The following SEMA3A variants were observed in gnomAD, a reference collection of about 807,000 sequenced individuals.
SEMA3A encodes semaphorin-3A.
Under a neutral mutation model 97.9 loss-of-function variants are expected in SEMA3A, and 29 were observed. The observed-to-expected ratio is 0.30, with a 90% CI of 0.22 to 0.40. The LOEUF is 0.40. Ranked by LOEUF, SEMA3A falls within the 10% of genes least tolerant of loss-of-function variation. The pLI, the probability that SEMA3A is intolerant of heterozygous loss-of-function variation, is 1.00. For synonymous variants in SEMA3A, 321 were observed against 323.7 expected, an observed-to-expected ratio of 0.99 and a Z score of 0.09; for missense variants, 763 against 951.3, an observed-to-expected ratio of 0.80 and a Z score of 2.60.
rs1788342444 is a variant in SEMA3A, at chr7:83,958,293, T to C, written c.*3078A>G. 1 of 152,508 alleles carries C rather than the reference T, an allele frequency of 6.6e-6. No individual in the cohort carries two copies. The highest frequency in any genetic ancestry group is 1.5e-5 in the Non-Finnish European group (1 of 67,974). 9.4% of individuals were successfully genotyped at this position (152,508 alleles called of 1,614,324 possible). The stretch of plus-strand genomic sequence containing the variant: ...GTTCTCAACATTTTATGAGCTTATG[T>C]TCCTTAACACCATATGTTATAGGGA... On this transcript the variant is annotated 3_prime_UTR_variant, in exon 17 of 17. Coordinates refer to ENST00000265362, the MANE Select transcript of SEMA3A (RefSeq NM_006080.3).
At chr7:84,276,513 G>A (rs1469447847) in intron 3 of SEMA3A, among the ~76,000 whole-genome samples, 1 of 152,050 alleles carries the variant, frequency 6.6e-6, no homozygotes, top group Non-Finnish European at 1.5e-5. Flanking sequence ...CCAGCACATA[G>A]TAGGTACTTA....
At position 84,090,713 on chromosome 7, in the gene SEMA3A, TATTG is replaced by T. The variant is rs377582348; in HGVS notation, c.453+19753_453+19756del. On this transcript the variant is annotated intron_variant, in intron 4 of 16. Transcript: ENST00000265362. ...GTTGACACTGGTATCTATATTTATT[TATTG>T]AAATTAATAAATATTATCAAATATG... Among the ~76,000 whole-genome samples the T allele has an allele frequency of 1.2e-4, 19 of 152,304 alleles. 1 individual carries two copies. The East Asian group carries it at 3.3e-3, about 26-fold the overall frequency.
intron 2 of SEMA3A, among the ~76,000 whole-genome samples, chr7:84,338,365 G>A (rs2115976792): frequency 6.6e-6 from 1 of 152,092 alleles, no homozygotes; most frequent in East Asian, 1.9e-4. Flanking sequence ...TGAGGAGGAA[G>A]TTAAACCATA....
At position 83,978,500 on chromosome 7, in the gene SEMA3A, A is replaced by T. The variant is rs1252512354; in HGVS notation, c.1653-1304T>A. ...GTAACAGACTGGAAAAGATTGGGGGACACTTGCCCAAGTGTTTGCTGCTGC... is the reference window on the plus strand; with the variant it reads ...GTAACAGACTGGAAAAGATTGGGGGTCACTTGCCCAAGTGTTTGCTGCTGC... On this transcript the variant is annotated intron_variant, in intron 14 of 16. Coordinates refer to ENST00000265362, the MANE Select transcript of SEMA3A (RefSeq NM_006080.3). 2.0e-5 allele frequency among the ~76,000 whole-genome samples: 3 copies of T among 152,140 alleles called. 1 individual carries two copies. The highest frequency in any genetic ancestry group is 1.5e-5 in the Non-Finnish European group (1 of 68,020).
chr7:84,123,063 G>A (rs1795676828), intron 3 of SEMA3A, among the ~76,000 whole-genome samples: 2 of 152,054 alleles, frequency 1.3e-5, no homozygotes, highest in African/African-American at 4.8e-5. Flanking sequence ...GTTGCCATTT[G>A]GTTTTACTGA....
At chr7:84,046,473 C>G (rs961218102) in intron 5 of SEMA3A, 30 bp from the exon 6 acceptor site, 1 of 1,609,944 alleles carries the variant, frequency 6.2e-7, no homozygotes, top group East Asian at 2.2e-5. Flanking sequence ...CATACACATT[C>G]TTTAATTCAA....
chr7:84,110,645 C>G, intron 3 of SEMA3A, 56 bp from the exon 4 acceptor site: 1 of 1,586,194 alleles, frequency 6.3e-7, no homozygotes, highest in East Asian at 2.2e-5. Context: ...CTGAGGTATC[C>G]TCTAGGGTGC....
At chr7:84,133,240 A>G (rs1291626445) in intron 2 of SEMA3A, among the ~76,000 whole-genome samples, 1 of 152,202 alleles carries the variant, frequency 6.6e-6, no homozygotes, top group Non-Finnish European at 1.5e-5. Context: ...AAAATACATT[A>G]TAAGTGTATT....
At chr7:84,294,905 C>T (rs1800831602) in intron 3 of SEMA3A, among the ~76,000 whole-genome samples, 1 of 151,960 alleles carries the variant, frequency 6.6e-6, no homozygotes, top group South Asian at 2.1e-4. Context: ...CCATTTCCTC[C>T]CTGGAGGTAA....
rs1554351579 is a variant in SEMA3A, at chr7:84,249,392, T to TATCTATCTA, written c.-82-54733_-82-54725dup. ...TCATCTATCTATCTATCTATCTATCTATCTATCTATCTATCTATCTATCTA... is the reference window on the plus strand; with the variant it reads ...TCATCTATCTATCTATCTATCTATCTATCTATCTAATCTATCTATCTATCTATCTATCTA... On this transcript the variant is annotated intron_variant, in intron 3 of 3. Transcript: ENST00000424555. Among the ~76,000 whole-genome samples the TATCTATCTA allele has an allele frequency of 7.0e-4, 107 of 151,886 alleles. 1 individual carries two copies. The highest frequency in any genetic ancestry group is 2.5e-3 in the African/African-American group (102 of 41,430).
chr7:84,375,130 C>T (rs966314309), intron 1 of SEMA3A, among the ~76,000 whole-genome samples: 1 of 152,126 alleles, frequency 6.6e-6, no homozygotes, highest in African/African-American at 2.4e-5. Context: ...AGCTATTCTC[C>T]TGCCTCAGCC....
rs111412891 is a variant in SEMA3A at position 84,308,819 on chromosome 7, T to TTTTC, written c.-168-1528_-168-1527insGAAA. ...GGAGTATGAGAGAAATATCACTTTTTTTTTCTTTTTTTTTTGAGATGGAGT... is the reference window on the plus strand; with the variant it reads ...GGAGTATGAGAGAAATATCACTTTTTTTTCTTTTCTTTTTTTTTTGAGATGGAGT... On this transcript the variant is annotated intron_variant, in intron 2 of 3. Transcript: ENST00000424555. 6.7e-5 allele frequency among the ~76,000 whole-genome samples: 5 copies of TTTTC among 74,648 alleles called. 1 individual carries two copies. The highest frequency in any genetic ancestry group is 2.8e-4 in the African/African-American group (5 of 17,708). The allele number at this position is 74,648 out of a possible 152,430, so 49.0% of individuals were successfully genotyped here. A position where few individuals can be genotyped will look rare whatever the true frequency, so the allele number is the denominator to read the frequency against.
At chr7:83,980,303 GATAT>G (rs1476095789) in intron 14 of SEMA3A, among the ~76,000 whole-genome samples, 1 of 151,804 alleles carries the variant, frequency 6.6e-6, no homozygotes, top group African/African-American at 2.4e-5. Context: ...ATGTTTAAGA[GATAT>G]ATATGTATAT....
chr7:84,430,660 T>G (rs1804954668), intron 1 of SEMA3A, among the ~76,000 whole-genome samples: 1 of 151,834 alleles, frequency 6.6e-6, no homozygotes. Context: ...AGCAAAAAAG[T>G]AGGGTTCGTG....
intron 3 of SEMA3A, among the ~76,000 whole-genome samples, chr7:84,282,415 G>A (rs111902164): frequency 7.6e-4 from 115 of 152,082 alleles, no homozygotes; most frequent in African/African-American, 2.6e-3. Flanking sequence ...AAATTAATAT[G>A]TATTCTAAGC....
chr7:84,033,467 T>A (rs921566712), intron 6 of SEMA3A, among the ~76,000 whole-genome samples: 1 of 152,180 alleles, frequency 6.6e-6, no homozygotes, highest in Admixed American at 6.5e-5. Context: ...TAGCCTATGT[T>A]CTTATCTTCC....
Position 84,261,986 on chromosome 7 carries a change from T to C in SEMA3A, c.-83+45221A>G, listed in dbSNP as rs1011812907. Among the ~76,000 whole-genome samples the C allele has an allele frequency of 2.0e-5, 3 of 152,366 alleles. No individual in the cohort carries two copies. In the South Asian group the frequency reaches 6.2e-4, roughly 32 times the overall value. On this transcript the variant is annotated intron_variant, in intron 3 of 3. Transcript: ENST00000424555. ...AGAGGAAATCCTCTTTTAGCAGATC[T>C]GCAGGACCCTTTTGAAGCAAAAGCA...
At chr7:84,272,474 T>C (rs936805029) in intron 3 of SEMA3A, among the ~76,000 whole-genome samples, 1 of 151,920 alleles carries the variant, frequency 6.6e-6, no homozygotes, top group Admixed American at 6.6e-5. Context: ...TAGAAAAAAA[T>C]TTGTTTTTCT....
chr7:84,350,728 T>A (rs1802416960), intron 2 of SEMA3A, among the ~76,000 whole-genome samples: 1 of 152,214 alleles, frequency 6.6e-6, no homozygotes, highest in Non-Finnish European at 1.5e-5. Flanking sequence ...CAAAGAATGA[T>A]CAGAGCACAA....
Sources: gnomAD v4.1 joint callset for allele counts (sites outside exome capture counted in the v4.1 genomes callset) on GRCh38, gnomAD v4.1.1 for gene constraint, MANE v1.5 for transcripts, NCBI Gene and HGNC (gene_info 2026-07-23, HGNC 2026-07-21) for gene names.